Variants in ZNF273 observed in about 807,000 individuals in gnomAD.
ZNF273 encodes zinc finger protein 9.
ZNF273 carries 11 observed loss-of-function variants against 14.9 expected under a neutral mutation model. That is an observed-to-expected ratio of 0.74 (90% confidence interval 0.46 to 1.22). ZNF273 has a LOEUF of 1.22. Ranked by LOEUF, ZNF273 falls within the 50% of genes most tolerant of loss-of-function variation. The pLI, the probability that ZNF273 is intolerant of heterozygous loss-of-function variation, is 0.00. For synonymous variants in ZNF273, 199 were observed against 223.9 expected, an observed-to-expected ratio of 0.89 and a Z score of 0.99; for missense variants, 577 against 660.6, an observed-to-expected ratio of 0.87 and a Z score of 1.39.
chr7:64,900,517 C>G (rs756641220), upstream of ZNF273, among the ~76,000 whole-genome samples: 24 of 152,168 alleles, frequency 1.6e-4, no homozygotes, highest in Non-Finnish European at 1.2e-4. Context: ...GATAAGCAAA[C>G]CGGAAGCTTG....
In ZNF273 at chr7:64,888,177, G is replaced by T. The variant is rs1389801989; in HGVS notation, n.274-396G>T. Among the ~76,000 whole-genome samples the T allele has an allele frequency of 2.0e-5, 3 of 152,082 alleles. No homozygotes were observed. The South Asian group carries it at 6.2e-4, about 32-fold the overall frequency. On this transcript the variant is annotated intron_variant and non_coding_transcript_variant, in intron 1 of 1. Transcript: ENST00000471926. ...TTCTTCCACCTGGGGAGCCCCCGGG[G>T]CCCTCATTTCACCCCATTCCCTGAA...
chr7:64,910,822 A>G (rs10277510), intron 1 of ZNF273, among the ~76,000 whole-genome samples: 61,300 of 146,746 alleles, frequency 0.42, 12,962 homozygotes, highest in South Asian at 0.44. Context: ...CTGGAGTGCA[A>G]TGGTGCAATC....
rs752363426 is a variant in ZNF273, at chr7:64,921,605, C to CTTT, written c.325+3343_325+3345dup. Among the ~76,000 whole-genome samples the CTTT allele has an allele frequency of 1.3e-3, 77 of 57,964 alleles. 11 individuals are homozygous for CTTT. The highest frequency in any genetic ancestry group is 1.8e-3 in the Non-Finnish European group (57 of 31,486). 38.0% of individuals were successfully genotyped at this position (57,964 alleles called of 152,430 possible). A position where few individuals can be genotyped will look rare whatever the true frequency, so the allele number is the denominator to read the frequency against. On this transcript the variant is annotated intron_variant, in intron 3 of 3. Coordinates refer to ENST00000476120, the MANE Select transcript of ZNF273 (RefSeq NM_021148.3). ...TATCAATCTTTGCTTCATGCTAATGCTTTTTTTTTTTTTTTTTTTTTTTTT... is the reference window on the plus strand; with the variant it reads ...TATCAATCTTTGCTTCATGCTAATGCTTTTTTTTTTTTTTTTTTTTTTTTTTTT...
chr7:64,903,706 G>A (rs1218435275), intron 1 of ZNF273, among the ~76,000 whole-genome samples: 1 of 152,200 alleles, frequency 6.6e-6, no homozygotes, highest in Non-Finnish European at 1.5e-5. Context: ...TCTCCTCGAT[G>A]ACTCGGGATG....
rs971431443 is a variant in ZNF273, at chr7:64,903,291, A to G, written c.-27A>G. 2 of 1,574,056 alleles carry G rather than the reference A, an allele frequency of 1.3e-6. No homozygotes were observed. The highest frequency in any genetic ancestry group is 4.5e-5 in the East Asian group (2 of 44,308). On this transcript the variant is annotated 5_prime_UTR_variant, in exon 1 of 4. Coordinates refer to ENST00000476120, the MANE Select transcript of ZNF273 (RefSeq NM_021148.3). ...GGCCTTTGTCTCTCGCTGCAGTCGC[A>G]GCTCCAGGTCTCGTCTTCACTGCTC...
downstream of ZNF273, among the ~76,000 whole-genome samples, chr7:64,884,613 A>C (rs1034440485): frequency 6.6e-6 from 1 of 152,114 alleles, no homozygotes; most frequent in African/African-American, 2.4e-5. Context: ...GGAGGCAGTG[A>C]GCTCAAAGGC....
intron 1 of ZNF273, chr7:64,888,315 A>T: frequency 1.0e-6 from 1 of 985,346 alleles, no homozygotes; most frequent in Non-Finnish European, 1.2e-6. Context: ...GGCCTCGCAC[A>T]GGCTGCTCAA....
At chr7:64,906,728 A>G (rs4718167) in intron 1 of ZNF273, among the ~76,000 whole-genome samples, 47,702 of 152,076 alleles carry the variant, frequency 0.31, 8,517 homozygotes, top group Non-Finnish European at 0.38. Flanking sequence ...ACCCACAGGC[A>G]GATGCAGTTA....
At chr7:64,917,560 T>C (rs765864989) in intron 1 of ZNF273, 21 bp from the exon 2 acceptor site, 1 of 1,584,698 alleles carries the variant, frequency 6.3e-7, no homozygotes, top group Non-Finnish European at 8.6e-7. Flanking sequence ...AAATATGTTT[T>C]TGTGTGTGTG....
At chr7:64,884,456 C>T (rs943841500), downstream of ZNF273, among the ~76,000 whole-genome samples, 1 of 152,178 alleles carries the variant, frequency 6.6e-6, no homozygotes, top group African/African-American at 2.4e-5. Flanking sequence ...GTTTCTGAAA[C>T]TCTCTCTCAA....
In ZNF273 at chr7:64,928,740, C is replaced by G. The variant is rs755476663; in HGVS notation, c.1412C>G (p.Ser471Ter). 3 of 1,611,260 alleles carry G rather than the reference C, an allele frequency of 1.9e-6. No individual in the cohort carries two copies. The highest frequency in any genetic ancestry group is 2.5e-6 in the Non-Finnish European group (3 of 1,178,478). Residue 471 changes from serine to a stop codon, truncating the protein, a stop_gained, in exon 4 of 4, where the codon TCA (serine) becomes TGA (stop). Transcript: ENST00000476120. LOFTEE classifies it low-confidence loss of function (END_TRUNC). Reference protein sequence around the residue: ...EECGSAFRAFSTLTEHKRVHT... With the variant: ...EECGSAFRAF ...TGTGGCAGTGCCTTTAGGGCATTCT[C>G]AACCCTTACTGAACATAAGAGAGTT... is the stretch of plus-strand genomic sequence containing the variant.
At chr7:64,883,032 A>C (rs1279624123), downstream of ZNF273, among the ~76,000 whole-genome samples, 1 of 152,114 alleles carries the variant, frequency 6.6e-6, no homozygotes, top group Non-Finnish European at 1.5e-5. Flanking sequence ...GCGTCCGCTG[A>C]AAGGAATATG....
At chr7:64,899,592 T>G (rs114341993), upstream of ZNF273, among the ~76,000 whole-genome samples, 1,391 of 151,950 alleles carry the variant, frequency 9.2e-3, 16 homozygotes, top group African/African-American at 0.032. Context: ...GAGACAAATG[T>G]TGAAGTAGAG....
At position 64,928,529 on chromosome 7, in the gene ZNF273, C is replaced by T; in HGVS notation, c.1201C>T (p.Pro401Ser). ...RHKIVHTGEK[P>S]YKCEECGKAF... The stretch of plus-strand genomic sequence containing the variant: ...TAAGATAGTTCATACTGGAGAGAAA[C>T]CCTACAAATGTGAAGAATGTGGTAA... Residue 401 changes from proline (P) to serine (S), a missense_variant, in exon 4 of 4, where the codon CCC (proline) becomes TCC (serine). Around this residue, in one of 3 missense-constraint regions of ZNF273, gnomAD observed 411 missense variants for 440.4 expected, o/e 0.93. Coordinates refer to ENST00000476120, the MANE Select transcript of ZNF273 (RefSeq NM_021148.3). The T allele has an allele frequency of 6.2e-7, 1 of 1,613,858 alleles. No homozygotes were observed. Among genetic ancestry groups the T allele is most frequent in the Non-Finnish European group, 8.5e-7 (1 of 1,179,906 alleles).
intron 1 of ZNF273, 23 bp downstream of exon 1, chr7:64,903,442 C>G: frequency 6.3e-7 from 1 of 1,597,294 alleles, no homozygotes. Context: ...GGTCCCAGAT[C>G]CCGAGAGAGG....
intron 3 of ZNF273, 47 bp downstream of exon 3, chr7:64,918,339 T>C: frequency 6.7e-7 from 1 of 1,485,304 alleles, no homozygotes; most frequent in South Asian, 1.2e-5. Context: ...AGATGACAGG[T>C]CTAAAGGTCA....
intron 1 of ZNF273, among the ~76,000 whole-genome samples, chr7:64,914,227 G>A (rs1450303020): frequency 2.2e-5 from 3 of 137,778 alleles, no homozygotes; most frequent in African/African-American, 8.1e-5. Context: ...TGGGGTTATG[G>A]GGTTTGGCCA....
At chr7:64,890,411 C>CCT (rs971652193), downstream of ZNF273, among the ~76,000 whole-genome samples, 19 of 152,112 alleles carry the variant, frequency 1.2e-4, no homozygotes, top group African/African-American at 4.1e-4. Flanking sequence ...TTTGTGTTTG[C>CCT]CTTTTCCTGC....
chr7:64,920,562 G>A (rs1794359484), intron 3 of ZNF273, among the ~76,000 whole-genome samples: 1 of 152,192 alleles, frequency 6.6e-6, no homozygotes. Flanking sequence ...TGGCTGGGAG[G>A]AGTTTGGGAT....
Sources: allele counts gnomAD v4.1 joint callset (sites outside exome capture counted in the v4.1 genomes callset), GRCh38; gene constraint gnomAD v4.1.1; regional missense constraint gnomAD v4.1.1; transcripts MANE v1.5; gene names NCBI Gene and HGNC (gene_info 2026-07-23, HGNC 2026-07-21).